The following MALT1 variants were observed in gnomAD, a reference collection of about 807,000 sequenced individuals.
MALT1 encodes the protein MALT1 paracaspase.
In MALT1, 36 loss-of-function variants were observed where a neutral mutation model predicts 85.5. That is an observed-to-expected ratio of 0.42 (90% CI 0.32 to 0.56). The LOEUF (loss-of-function observed/expected upper bound fraction) is 0.56. MALT1 is among the 20% of genes least tolerant of loss of function. MALT1 has a pLI of 0.10. For missense variants in MALT1, 716 were observed against 981.6 expected (o/e 0.73, Z 3.62); for synonymous variants, 359 against 361.3 (o/e 0.99, Z 0.07).
chr18:58,673,470 T>C (rs1285485209), intron 1 of MALT1, among the ~76,000 whole-genome samples: 4 of 152,174 alleles, frequency 2.6e-5, no homozygotes, highest in African/African-American at 9.7e-5. Flanking sequence ...CTTTTTTTTT[T>C]CCGAGATGGA....
At position 58,723,211 on chromosome 18, in the gene MALT1, T is replaced by C. The variant is rs745625720; in HGVS notation, c.1182T>C (p.Ala394=). 2 of 1,613,926 alleles carry C rather than the reference T, an allele frequency of 1.2e-6. No homozygotes were observed. The highest frequency in any genetic ancestry group is 1.7e-6 in the Non-Finnish European group (2 of 1,179,906). ...TTACTGAATATGAGATGCGTAATGC[T>C]GTGGATGAGTTTTTACTCCTTTTAG... is the stretch of plus-strand genomic sequence containing the variant. ...LDLTEYEMRN[A]VDEFLLLLDK... The change falls in exon 10 of 17, where the codon GCT becomes GCC. Residue 394 remains alanine (A), a synonymous_variant. Coordinates refer to ENST00000649217, the MANE Select transcript of MALT1 (RefSeq NM_006785.4).
intron 1 of MALT1, among the ~76,000 whole-genome samples, chr18:58,673,645 C>T (rs547924980): frequency 2.0e-5 from 3 of 152,140 alleles, no homozygotes; most frequent in Admixed American, 1.3e-4. Context: ...TTAGTAAAGA[C>T]GGGGTTTTGC....
intron 2 of MALT1, among the ~76,000 whole-genome samples, chr18:58,695,406 A>G (rs2054573053): frequency 6.6e-6 from 1 of 152,232 alleles, no homozygotes; most frequent in African/African-American, 2.4e-5. Context: ...AATTCCTGTC[A>G]AAAGTCTTCC....
intron 7 of MALT1, among the ~76,000 whole-genome samples, chr18:58,713,381 G>A (rs1045037233): frequency 6.6e-6 from 1 of 151,906 alleles, no homozygotes; most frequent in African/African-American, 2.4e-5. Context: ...TACACCTTGA[G>A]AAACTATGAA....
intron 2 of MALT1, among the ~76,000 whole-genome samples, chr18:58,684,005 C>T (rs558477161): frequency 3.3e-5 from 5 of 152,188 alleles, no homozygotes; most frequent in Admixed American, 6.5e-5. Flanking sequence ...GATCTCGGCT[C>T]ACTGCAACTT....
intron 8 of MALT1, among the ~76,000 whole-genome samples, chr18:58,715,274 T>G (rs1339514890): frequency 6.6e-6 from 1 of 152,358 alleles, no homozygotes; most frequent in South Asian, 2.1e-4. Flanking sequence ...CCACTAAGAT[T>G]CTAAAATTTT....
rs77862231 is a variant in MALT1 at position 58,673,771 on chromosome 18, T to C, written c.209+1919T>C. On this transcript the variant is annotated intron_variant, in intron 1 of 16. Transcript: ENST00000649217. Reference sequence around the variant, plus strand: ...GCCACATTATTTTCTTAAACCCTCCTGACAACTCTTGTTTCAGAGTTTGGG... The same window carrying C: ...GCCACATTATTTTCTTAAACCCTCCCGACAACTCTTGTTTCAGAGTTTGGG... 7.6e-3 allele frequency among the ~76,000 whole-genome samples: 1,157 copies of C among 152,258 alleles called. 22 individuals carry two copies. Among genetic ancestry groups the C allele is most frequent in the African/African-American group, 0.027 (1,120 of 41,538 alleles).
intron 9 of MALT1, among the ~76,000 whole-genome samples, chr18:58,716,206 C>T (rs1220074755): frequency 6.6e-6 from 1 of 152,124 alleles, no homozygotes; most frequent in Non-Finnish European, 1.5e-5. Context: ...TCACGATATG[C>T]AAACAGACAT....
chr18:58,716,284 T>C (rs1489263619), intron 9 of MALT1, among the ~76,000 whole-genome samples: 1 of 152,198 alleles, frequency 6.6e-6, no homozygotes, highest in East Asian at 1.9e-4. Context: ...GTGCTGTCTC[T>C]TGGTGAGGGA....
chr18:58,683,769 CTGA>C (rs2054357056), intron 2 of MALT1, among the ~76,000 whole-genome samples: 1 of 152,128 alleles, frequency 6.6e-6, no homozygotes, highest in Admixed American at 6.5e-5. Context: ...GAAGATTATC[CTGA>C]TGATATTTGG....
chr18:58,715,799 T>G, intron 8 of MALT1, 136 bp from the exon 9 acceptor site: 1 of 680,326 alleles, frequency 1.5e-6, no homozygotes, highest in East Asian at 2.7e-5. Flanking sequence ...CATTCAAGAG[T>G]GTTTTTATTA....
chr18:58,689,107 A>G (rs1391861936), intron 2 of MALT1, among the ~76,000 whole-genome samples: 5 of 152,130 alleles, frequency 3.3e-5, no homozygotes, highest in Non-Finnish European at 7.4e-5. Flanking sequence ...AGCCCTGATC[A>G]TGCCACTGCA....
chr18:58,735,168 T>G, intron 12 of MALT1, 34 bp from the exon 13 acceptor site: 3 of 1,583,080 alleles, frequency 1.9e-6, no homozygotes, highest in Non-Finnish European at 2.6e-6. Flanking sequence ...TTTGCCTTTC[T>G]GTGCCTGGCT....
intron 1 of MALT1, 96 bp downstream of exon 1, chr18:58,671,948 G>C: frequency 1.2e-6 from 1 of 860,912 alleles, no homozygotes; most frequent in South Asian, 5.8e-5. Context: ...GAGCGCGGCG[G>C]GGGCCGCCGG....
At chr18:58,702,824 T>G (rs1281966517) in intron 4 of MALT1, among the ~76,000 whole-genome samples, 1 of 152,186 alleles carries the variant, frequency 6.6e-6, no homozygotes, top group African/African-American at 2.4e-5. Context: ...TGCTCCATCT[T>G]TTTAGTGCAA....
intron 2 of MALT1, among the ~76,000 whole-genome samples, chr18:58,681,710 A>AG (rs1336831392): frequency 2.0e-5 from 3 of 152,246 alleles, no homozygotes; most frequent in African/African-American, 7.2e-5. Context: ...AGCCAAAAAA[A>AG]TGAACATATA....
In MALT1 at chr18:58,735,331, TAAAATAA is replaced by T. The variant is rs1474855583; in HGVS notation, c.1603+11_1603+17del. ...TGTTACTGGATGAAGTTGCAGAAGG[TAAAATAA>T]AAAATAAAGAGAAAAGTACTCAGAA... On this transcript the variant is annotated splice_donor_5th_base_variant and intron_variant, in intron 13 of 16. Coordinates refer to ENST00000649217, the MANE Select transcript of MALT1 (RefSeq NM_006785.4). The T allele has an allele frequency of 1.3e-6, 2 of 1,589,698 alleles. No individual in the cohort carries two copies. The highest frequency in any genetic ancestry group is 1.7e-6 in the Non-Finnish European group (2 of 1,174,640).
chr18:58,690,908 T>C, intron 2 of MALT1: 1 of 240,296 alleles, frequency 4.2e-6, no homozygotes, highest in South Asian at 6.0e-5. Flanking sequence ...CTGTACTGAG[T>C]ACGGCCCCAG....
intron 10 of MALT1, 122 bp downstream of exon 10, chr18:58,723,373 A>AT: frequency 1.6e-6 from 1 of 613,210 alleles, no homozygotes; most frequent in Non-Finnish European, 2.7e-6. Context: ...GAAGAGTTTT[A>AT]TTTTTCTTAT....
Sources: allele counts gnomAD v4.1 joint callset (sites outside exome capture counted in the v4.1 genomes callset), GRCh38; gene constraint gnomAD v4.1.1; transcripts MANE v1.5; gene names NCBI Gene and HGNC (gene_info 2026-07-23, HGNC 2026-07-21).